The following SBF2 variants were observed in gnomAD, a reference collection of about 807,000 sequenced individuals.
SBF2 encodes the protein SET binding factor 2.
In SBF2, 112 loss-of-function variants were observed where a neutral mutation model predicts 225.2. The observed-to-expected ratio is 0.50, with a 90% confidence interval of 0.43 to 0.58. SBF2 has a LOEUF of 0.58. Among genes scored for constraint, SBF2 ranks in the 20% least tolerant of loss-of-function variants. The probability of loss-of-function intolerance (pLI) is 0.00; values close to 1 mark genes in which losing one functional copy is unlikely to be tolerated. For synonymous variants in SBF2, 763 were observed against 773.3 expected (o/e 0.99, Z 0.22); for missense variants, 1,996 against 2,206.2 (o/e 0.90, Z 1.91).
chr11:9,940,402 C>T (rs1441551654), intron 16 of SBF2, among the ~76,000 whole-genome samples: 1 of 151,856 alleles, frequency 6.6e-6, no homozygotes, highest in East Asian at 1.9e-4. Context: ...GAGACTCTGC[C>T]TCAAAAAAAA....
intron 16 of SBF2, chr11:9,960,492 T>C: frequency 6.6e-6 from 1 of 152,180 alleles, no homozygotes; most frequent in East Asian, 1.9e-4. Context: ...TGGTATGTTA[T>C]GTGTACATGT....
chr11:10,047,180 C>A (rs138075834), intron 2 of SBF2, among the ~76,000 whole-genome samples: 4 of 152,216 alleles, frequency 2.6e-5, no homozygotes, highest in African/African-American at 9.6e-5. Context: ...TCAATACTGA[C>A]AAAATGTCAG....
chr11:10,078,997 T>C (rs1360519628), intron 2 of SBF2, among the ~76,000 whole-genome samples: 1 of 151,922 alleles, frequency 6.6e-6, no homozygotes. Context: ...AATGCACCCA[T>C]AAGCAAAGCC....
chr11:9,966,804 G>A (rs752290276), intron 14 of SBF2, among the ~76,000 whole-genome samples: 4 of 152,162 alleles, frequency 2.6e-5, no homozygotes, highest in Non-Finnish European at 4.4e-5. Flanking sequence ...AAATTAGAAC[G>A]AAAGAAATCT....
intron 16 of SBF2, among the ~76,000 whole-genome samples, chr11:9,897,132 T>C (rs976603501): frequency 6.6e-6 from 1 of 152,176 alleles, no homozygotes; most frequent in Non-Finnish European, 1.5e-5. Context: ...TGTTGACAGA[T>C]AAGTGAATAA....
chr11:10,102,947 T>C (rs1952375428), intron 2 of SBF2, among the ~76,000 whole-genome samples: 1 of 152,162 alleles, frequency 6.6e-6, no homozygotes, highest in African/African-American at 2.4e-5. Context: ...AAACATAAAA[T>C]TTTTCTCTTT....
intron 1 of SBF2, among the ~76,000 whole-genome samples, chr11:10,230,235 G>C (rs542672941): frequency 7.2e-5 from 11 of 152,168 alleles, no homozygotes; most frequent in Non-Finnish European, 1.5e-4. Context: ...CCTGAATACA[G>C]AACACTGATG....
At chr11:10,165,441 C>G (rs929916276) in intron 2 of SBF2, among the ~76,000 whole-genome samples, 3 of 152,198 alleles carry the variant, frequency 2.0e-5, no homozygotes, top group African/African-American at 7.2e-5. Context: ...AGCAAGAGCT[C>G]ATGGCCCCAT....
At chr11:10,228,351 A>G (rs1046150071) in intron 1 of SBF2, among the ~76,000 whole-genome samples, 1 of 152,102 alleles carries the variant, frequency 6.6e-6, no homozygotes, top group Non-Finnish European at 1.5e-5. Flanking sequence ...AGAACTTCCA[A>G]CACTATGTTC....
chr11:10,141,844 A>G (rs1465380306), intron 2 of SBF2, among the ~76,000 whole-genome samples: 1 of 152,194 alleles, frequency 6.6e-6, no homozygotes, highest in Non-Finnish European at 1.5e-5. Context: ...ACTTGCATTC[A>G]TCAAGAAACT....
intron 1 of SBF2, among the ~76,000 whole-genome samples, chr11:10,203,680 GTAGA>G (rs1338051828): frequency 4.0e-5 from 6 of 151,096 alleles, no homozygotes; most frequent in Non-Finnish European, 8.9e-5. Flanking sequence ...GTATTAATTA[GTAGA>G]TAAAGATATT....
At chr11:9,845,526 C>G (rs555414346) in intron 24 of SBF2, 39 bp downstream of exon 24, 2 of 1,576,616 alleles carry the variant, frequency 1.3e-6, no homozygotes, top group African/African-American at 1.3e-5. Flanking sequence ...CAATCAATTA[C>G]GGGAGGGCTG....
At chr11:9,812,853 T>C (rs1854266823) in intron 29 of SBF2, 145 bp from the exon 30 acceptor site, 2 of 794,756 alleles carry the variant, frequency 2.5e-6, no homozygotes, top group Non-Finnish European at 4.2e-6. Flanking sequence ...GTCAATCTTG[T>C]ACAGCAATGT....
intron 2 of SBF2, among the ~76,000 whole-genome samples, chr11:10,043,794 G>A (rs946958796): frequency 6.6e-6 from 1 of 151,916 alleles, no homozygotes; most frequent in African/African-American, 2.4e-5. Context: ...GGCTGGTCTC[G>A]AACTCCTGGG....
chr11:10,043,729 T>G (rs900076576), intron 2 of SBF2, among the ~76,000 whole-genome samples: 1 of 152,026 alleles, frequency 6.6e-6, no homozygotes, highest in African/African-American at 2.4e-5. Flanking sequence ...TGCCTACCAG[T>G]ATATCTGGCT....
chr11:9,845,987 T>C (rs892588121), intron 23 of SBF2, among the ~76,000 whole-genome samples: 4 of 152,226 alleles, frequency 2.6e-5, no homozygotes, highest in Non-Finnish European at 5.9e-5. Context: ...TTATTTCTTC[T>C]ACAATGGGAT....
Position 10,294,156 on chromosome 11 carries a change from C to T in SBF2, c.-87G>A. The T allele has an allele frequency of 9.7e-7, 1 of 1,033,388 alleles. No individual in the cohort carries two copies. Among genetic ancestry groups the T allele is most frequent in the Middle Eastern group, 3.5e-4 (1 of 2,828 alleles). 64.0% of individuals were successfully genotyped at this position (1,033,388 alleles called of 1,614,324 possible). The stretch of plus-strand genomic sequence containing the variant: ...CCGGCCCGGGAGGGCTCAGCATTTT[C>T]CCTGCAGCGGCAGTAGCGGCAGCGG... On this transcript the variant is annotated 5_prime_UTR_variant, in exon 1 of 40. Transcript: ENST00000256190.
intron 16 of SBF2, among the ~76,000 whole-genome samples, chr11:9,897,936 T>C (rs1485313017): frequency 1.3e-5 from 2 of 152,110 alleles, no homozygotes; most frequent in Admixed American, 1.3e-4. Context: ...AACATATGGA[T>C]TGTCTGAACT....
chr11:9,940,019 G>A (rs573366462), intron 16 of SBF2, among the ~76,000 whole-genome samples: 29 of 152,050 alleles, frequency 1.9e-4, no homozygotes, highest in Non-Finnish European at 4.0e-4. Context: ...GAAGTAATTC[G>A]GTTTCAACAT....
Sources: gnomAD v4.1 joint callset for allele counts (sites outside exome capture counted in the v4.1 genomes callset) on GRCh38, gnomAD v4.1.1 for gene constraint, MANE v1.5 for transcripts, NCBI Gene and HGNC (gene_info 2026-07-23, HGNC 2026-07-21) for gene names.